GALNT18: variants seen among roughly 807,000 people sequenced by gnomAD.
The protein encoded by GALNT18 is GalNAc-transferase 18.
A neutral mutation model predicts 69.5 loss-of-function variants in GALNT18; 44 were observed. The observed-to-expected ratio is 0.63, with a 90% CI of 0.50 to 0.81. GALNT18 has a LOEUF of 0.81. GALNT18 is among the 40% of genes least tolerant of loss of function. The pLI, the probability that GALNT18 is intolerant of heterozygous loss-of-function variation, is 0.00. For synonymous variants in GALNT18, 364 were observed against 318.2 expected (o/e 1.14, Z -1.53); for missense variants, 715 against 810.0 (o/e 0.88, Z 1.42).
intron 1 of GALNT18, among the ~76,000 whole-genome samples, chr11:11,512,966 A>C (rs1857193668): frequency 6.6e-6 from 1 of 152,242 alleles, no homozygotes; most frequent in Non-Finnish European, 1.5e-5. Flanking sequence ...GTACTTACAC[A>C]TACAGGCATG....
At chr11:11,566,474 T>G (rs1374048791) in intron 1 of GALNT18, among the ~76,000 whole-genome samples, 1 of 152,240 alleles carries the variant, frequency 6.6e-6, no homozygotes, top group African/African-American at 2.4e-5. Flanking sequence ...CTGAGTGTGA[T>G]AAATACATTG....
At chr11:11,425,389 T>C (rs1855104973) in intron 3 of GALNT18, among the ~76,000 whole-genome samples, 1 of 152,220 alleles carries the variant, frequency 6.6e-6, no homozygotes, top group Non-Finnish European at 1.5e-5. Flanking sequence ...ATGGGCTGGA[T>C]TCAGGTTGGG....
chr11:11,497,327 A>AACACACACACACAC lies in GALNT18; in HGVS notation c.236-48405_236-48392dup, dbSNP rs61001797. Among the ~76,000 whole-genome samples the AACACACACACACAC allele has an allele frequency of 0.076, 10,042 of 132,088 alleles. 470 individuals carry two copies. The highest frequency in any genetic ancestry group is 0.087 in the Non-Finnish European group (5,459 of 63,098). 86.7% of individuals were successfully genotyped at this position (132,088 alleles called of 152,430 possible). Reference sequence around the variant, plus strand: ...TATTTATGTTTTACCTCCTGTCTCCAACACACACACACACACACACACACA... The same window carrying AACACACACACACAC: ...TATTTATGTTTTACCTCCTGTCTCCAACACACACACACACACACACACACACACACACACACACA... On this transcript the variant is annotated intron_variant, in intron 1 of 10. Coordinates refer to ENST00000227756, the MANE Select transcript of GALNT18 (RefSeq NM_198516.3). The surrounding 1 kb of genome is among the most constrained non-coding windows in gnomAD (Gnocchi z 4.2).
chr11:11,414,372 A>T, intron 3 of GALNT18, among the ~76,000 whole-genome samples: 1 of 152,164 alleles, frequency 6.6e-6, no homozygotes, highest in Non-Finnish European at 1.5e-5. Flanking sequence ...CTTCAATACC[A>T]TCTCAAGCCA....
intron 2 of GALNT18, among the ~76,000 whole-genome samples, chr11:11,447,441 C>T (rs1185368680): frequency 6.6e-6 from 1 of 152,196 alleles, no homozygotes; most frequent in African/African-American, 2.4e-5. Flanking sequence ...CTCTCTGCCT[C>T]CACCCAACTA....
intron 1 of GALNT18, among the ~76,000 whole-genome samples, chr11:11,519,681 G>A (rs1294420456): frequency 6.6e-6 from 1 of 152,122 alleles, no homozygotes. Context: ...TCCCACTGCT[G>A]CCACCACCTT....
rs1855887198 is a variant in GALNT18 at position 11,454,715 on chromosome 11, G to C, written c.236-5779C>G. ...AGAACCACAGAGAGCCAGAGAGTCA[G>C]GCCAGGAGTGCTCTTCCTTCCTTGA... On this transcript the variant is annotated intron_variant, in intron 1 of 10. Transcript: ENST00000227756. The surrounding 1 kb of genome is among the most constrained non-coding windows in gnomAD (Gnocchi z 4.2). Among the ~76,000 whole-genome samples the C allele has an allele frequency of 6.6e-6, 1 of 151,978 alleles. No homozygotes were observed. Among genetic ancestry groups the C allele is most frequent in the African/African-American group, 2.4e-5 (1 of 41,364 alleles).
chr11:11,581,172 C>T (rs1859071902), intron 1 of GALNT18, among the ~76,000 whole-genome samples: 1 of 152,182 alleles, frequency 6.6e-6, no homozygotes, highest in Non-Finnish European at 1.5e-5. Context: ...TGCCCTGAGG[C>T]CTGAGGTGGG....
At chr11:11,608,798 G>A (rs1337588923) in intron 1 of GALNT18, among the ~76,000 whole-genome samples, 1 of 152,122 alleles carries the variant, frequency 6.6e-6, no homozygotes, top group African/African-American at 2.4e-5. Flanking sequence ...TCACTGAGAC[G>A]CTCAGGCTTC....
At chr11:11,568,431 C>T (rs929331706) in intron 1 of GALNT18, among the ~76,000 whole-genome samples, 7 of 152,110 alleles carry the variant, frequency 4.6e-5, no homozygotes, top group Non-Finnish European at 8.8e-5. Flanking sequence ...CCATTTATAC[C>T]CTAGGCTCCT....
intron 1 of GALNT18, among the ~76,000 whole-genome samples, chr11:11,498,366 A>G (rs1268203772): frequency 4.6e-5 from 7 of 152,222 alleles, no homozygotes; most frequent in East Asian, 1.9e-4. Context: ...GTAAGCATTC[A>G]CCCAAGTGCA....
At chr11:11,303,330 CA>C (rs1482579542) in intron 9 of GALNT18, among the ~76,000 whole-genome samples, 4 of 152,174 alleles carry the variant, frequency 2.6e-5, no homozygotes, top group Non-Finnish European at 5.9e-5. Flanking sequence ...AGCAGCCCCC[CA>C]CTGCTAACCT....
At chr11:11,447,396 A>T (rs1855681221) in intron 2 of GALNT18, among the ~76,000 whole-genome samples, 1 of 152,150 alleles carries the variant, frequency 6.6e-6, no homozygotes, top group South Asian at 2.1e-4. Flanking sequence ...ACCACCACCT[A>T]ACATACTGCA....
intron 1 of GALNT18, among the ~76,000 whole-genome samples, chr11:11,479,643 T>C (rs1402929032): frequency 2.0e-5 from 3 of 152,164 alleles, no homozygotes; most frequent in Admixed American, 2.0e-4. Context: ...AATCTAAAAA[T>C]AATGATTTAT....
chr11:11,502,370 G>A (rs1856991705), intron 1 of GALNT18, among the ~76,000 whole-genome samples: 1 of 152,232 alleles, frequency 6.6e-6, no homozygotes, highest in Non-Finnish European at 1.5e-5. Flanking sequence ...GCAGGAGCAT[G>A]TGTGGCCTTT....
At chr11:11,531,367 C>T (rs1334050450) in intron 1 of GALNT18, among the ~76,000 whole-genome samples, 1 of 152,188 alleles carries the variant, frequency 6.6e-6, no homozygotes, top group Non-Finnish European at 1.5e-5. Context: ...GCCTGTTCCC[C>T]TCATCCTTCC....
chr11:11,360,126 C>A (rs1023094812), intron 6 of GALNT18, among the ~76,000 whole-genome samples: 1 of 152,160 alleles, frequency 6.6e-6, no homozygotes, highest in Non-Finnish European at 1.5e-5. Context: ...GAATAAAGCA[C>A]CTGCTTCTGT....
intron 10 of GALNT18, among the ~76,000 whole-genome samples, chr11:11,279,574 T>C (rs537510730): frequency 3.0e-4 from 43 of 144,310 alleles, no homozygotes; most frequent in Middle Eastern, 3.4e-3. Flanking sequence ...GAAACCTATA[T>C]AGCAACAAAA....
At position 11,339,783 on chromosome 11, in the gene GALNT18, G is replaced by A. The variant is rs371859503; in HGVS notation, c.1278+1036C>T. Among the ~76,000 whole-genome samples, 1 of 152,160 alleles carries A rather than the reference G, an allele frequency of 6.6e-6. No homozygotes were observed. Among genetic ancestry groups the A allele is most frequent in the African/African-American group, 2.4e-5 (1 of 41,430 alleles). ...TCAAGTTCCCCTCTCCTACGGTGGT[G>A]GTGTGGCTGGGAGGTGGGCTAAAAG... On this transcript the variant is annotated intron_variant, in intron 7 of 10. Coordinates refer to ENST00000227756, the MANE Select transcript of GALNT18 (RefSeq NM_198516.3). The surrounding 1 kb of genome is among the most constrained non-coding windows in gnomAD (Gnocchi z 5.2).
Sources: gnomAD v4.1 joint callset for allele counts (sites outside exome capture counted in the v4.1 genomes callset) on GRCh38, gnomAD v4.1.1 for gene constraint, Gnocchi (gnomAD v3.1) non-coding constraint, MANE v1.5 for transcripts, NCBI Gene and HGNC (gene_info 2026-07-23, HGNC 2026-07-21) for gene names.